PTPN22: variants seen among roughly 807,000 people sequenced by gnomAD.
PTPN22 encodes protein tyrosine phosphatase non-receptor type 22.
Under a neutral mutation model 103.3 loss-of-function variants are expected in PTPN22, and 85 were observed. That is an observed-to-expected ratio of 0.82 (90% CI 0.69 to 0.99). PTPN22 has a LOEUF of 0.99. Among genes scored for constraint, PTPN22 ranks in the 50% least tolerant of loss-of-function variants. The probability of loss-of-function intolerance (pLI) is 0.00; values close to 1 mark genes in which losing one functional copy is unlikely to be tolerated. For synonymous variants in PTPN22, 323 were observed against 310.2 expected (o/e 1.04, Z -0.43); for missense variants, 865 against 936.9 (o/e 0.92, Z 1.00).
chr1:113,817,348 C>G (rs185022334), intron 20 of PTPN22, among the ~76,000 whole-genome samples: 5 of 152,166 alleles, frequency 3.3e-5, no homozygotes, highest in Admixed American at 3.3e-4. Flanking sequence ...GAAAATAAAC[C>G]TGAATCATAA....
chr1:113,856,309 A>G (rs1571443907), intron 7 of PTPN22, 73 bp downstream of exon 7: 2 of 1,472,644 alleles, frequency 1.4e-6, no homozygotes, highest in Non-Finnish European at 1.8e-6. Flanking sequence ...GCCCAGCCTG[A>G]GCTACACACA....
chr1:113,813,920 A>C (rs1319257390), exon 21 of PTPN22: 1 of 152,368 alleles, frequency 6.6e-6, no homozygotes, highest in South Asian at 2.1e-4. Context: ...CAAATGAAAA[A>C]TACTGAAGAA....
chr1:113,830,565 T>G (rs1337872009), intron 16 of PTPN22, among the ~76,000 whole-genome samples: 4 of 152,208 alleles, frequency 2.6e-5, no homozygotes, highest in African/African-American at 9.6e-5. Flanking sequence ...GCTTAGATTT[T>G]GTTTGAATCC....
intron 20 of PTPN22, among the ~76,000 whole-genome samples, chr1:113,817,920 T>G (rs534170368): frequency 7.9e-5 from 12 of 151,976 alleles, no homozygotes; most frequent in African/African-American, 2.9e-4. Flanking sequence ...ACATTTATGT[T>G]CCAGGTAAAG....
intron 1 of PTPN22, among the ~76,000 whole-genome samples, chr1:113,861,002 A>C (rs1173540575): frequency 6.6e-6 from 1 of 152,078 alleles, no homozygotes; most frequent in African/African-American, 2.4e-5. Context: ...AGCTGCCTTC[A>C]CTGCTACCTT....
chr1:113,829,621 T>C, exon 18 of PTPN22: 10 of 1,603,708 alleles, frequency 6.2e-6, no homozygotes, highest in Non-Finnish European at 8.5e-6. Flanking sequence ...TTTCCAGGAG[T>C]CTTCAGTGTC....
intron 5 of PTPN22, among the ~76,000 whole-genome samples, chr1:113,856,997 T>C (rs776315570): frequency 5.9e-5 from 9 of 152,164 alleles, no homozygotes; most frequent in South Asian, 2.1e-4. Flanking sequence ...TGATATCCAG[T>C]AAAAATATAA....
At chr1:113,847,487 G>C (rs891779649) in intron 11 of PTPN22, among the ~76,000 whole-genome samples, 1 of 144,690 alleles carries the variant, frequency 6.9e-6, no homozygotes, top group African/African-American at 2.6e-5. Flanking sequence ...GATCTTCCTG[G>C]TTCTTGGTAT....
chr1:113,858,119 A>G (rs1665235123), intron 4 of PTPN22: 1 of 200,750 alleles, frequency 5.0e-6, no homozygotes, highest in Non-Finnish European at 1.0e-5. Context: ...GTGCTGTGGC[A>G]CAATCTCAGC....
At chr1:113,815,065 ATGGTC>A in intron 20 of PTPN22, 96 bp from the exon 21 acceptor site, 2 of 877,848 alleles carry the variant, frequency 2.3e-6, no homozygotes, top group South Asian at 3.4e-5. Flanking sequence ...ATGCAAATAC[ATGGTC>A]TTTTTTTAAA....
intron 19 of PTPN22, among the ~76,000 whole-genome samples, chr1:113,821,291 T>C (rs927436340): frequency 1.3e-5 from 2 of 152,028 alleles, no homozygotes; most frequent in East Asian, 3.9e-4. Flanking sequence ...TGGCTCATCA[T>C]GGATTTTTTT....
intron 1 of PTPN22, among the ~76,000 whole-genome samples, chr1:113,865,836 A>C (rs1385558817): frequency 1.3e-5 from 2 of 152,244 alleles, no homozygotes; most frequent in African/African-American, 4.8e-5. Context: ...ACTATGTCTC[A>C]GGAAGTTTAT....
chr1:113,830,006 GAGA>G, exon 17 of PTPN22: 3 of 1,605,292 alleles, frequency 1.9e-6, no homozygotes, highest in Non-Finnish European at 2.6e-6. Context: ...GGAGGTGGGG[GAGA>G]AGAACGATCT....
At chr1:113,849,310 C>T (rs574362936) in intron 10 of PTPN22, among the ~76,000 whole-genome samples, 1 of 152,280 alleles carries the variant, frequency 6.6e-6, no homozygotes, top group South Asian at 2.1e-4. Flanking sequence ...AAGGATTTCA[C>T]CATAGAGAAA....
rs1192770163 is a variant in PTPN22, at chr1:113,852,255, T to TA, written c.751-152dup. Reference sequence around the variant, plus strand: ...CATTTTTAAAACAAATGAGGTTTCTTATCACTTGCAACATGATTTAGAGCC... The same window carrying TA: ...CATTTTTAAAACAAATGAGGTTTCTTAATCACTTGCAACATGATTTAGAGCC... On this transcript the variant is annotated intron_variant, in intron 9 of 20. Transcript: ENST00000359785. The TA allele has an allele frequency of 4.8e-5, 29 of 605,420 alleles. No homozygotes were observed. In the South Asian group the frequency reaches 5.7e-4, roughly 12 times the overall value. 37.5% of individuals were successfully genotyped at this position (605,420 alleles called of 1,614,324 possible).
intron 1 of PTPN22, among the ~76,000 whole-genome samples, chr1:113,866,275 G>A (rs1425290512): frequency 6.6e-6 from 1 of 152,132 alleles, no homozygotes; most frequent in Non-Finnish European, 1.5e-5. Flanking sequence ...TACTTTGGGA[G>A]GCCAAGGCAG....
In PTPN22 at chr1:113,844,228, G is replaced by A. The variant is rs369446479; in HGVS notation, c.915+4312C>T. On this transcript the variant is annotated intron_variant, in intron 11 of 20. Transcript: ENST00000359785. The stretch of plus-strand genomic sequence containing the variant: ...TGTAATCCCAGCACTTTGGGAGGCC[G>A]AGGCAAGCAGATAGTCAGGAGTTCA... Among the ~76,000 whole-genome samples, 68 of 152,262 alleles carry A rather than the reference G, an allele frequency of 4.5e-4. 1 individual carries two copies. In the East Asian group the frequency reaches 0.01, roughly 22 times the overall value.
rs769769326 is a variant in PTPN22 at position 113,814,976 on chromosome 1, A to C, written c.2360-7T>G. 3 of 1,598,780 alleles carry C rather than the reference A, an allele frequency of 1.9e-6. No homozygotes were observed. The highest frequency in any genetic ancestry group is 2.6e-6 in the Non-Finnish European group (3 of 1,170,704). ...GAAAAACGGTTTGCAAAACCTGGGA[A>C]CAAAAATAAAGTTGAATGAAAAGAA... is the stretch of plus-strand genomic sequence containing the variant. On this transcript the variant is annotated splice_polypyrimidine_tract_variant and splice_region_variant and intron_variant, in intron 20 of 20. Coordinates refer to ENST00000359785, the Ensembl canonical transcript of PTPN22.
chr1:113,844,537 T>C lies in PTPN22; in HGVS notation c.915+4003A>G, dbSNP rs532953308. ...TTCATTGATTTCTGCTCTTTATTTC[T>C]TTTTCTATATTCTTGGAGTGACAGC... On this transcript the variant is annotated intron_variant, in intron 11 of 20. Coordinates refer to ENST00000359785, the Ensembl canonical transcript of PTPN22. 9.8e-5 allele frequency among the ~76,000 whole-genome samples: 15 copies of C among 152,358 alleles called. No homozygotes were observed. In the East Asian group the frequency reaches 2.9e-3, roughly 29 times the overall value.
Sources: gnomAD v4.1 joint callset for allele counts (sites outside exome capture counted in the v4.1 genomes callset) on GRCh38, gnomAD v4.1.1 for gene constraint, MANE v1.5 for transcripts, NCBI Gene and HGNC (gene_info 2026-07-23, HGNC 2026-07-21) for gene names.